The following OPTN variants were observed in gnomAD, a reference collection of about 807,000 sequenced individuals.
OPTN encodes the protein optineurin, also known as E3-14.7K-interacting protein.
A neutral mutation model predicts 70.4 loss-of-function variants in OPTN; 54 were observed. The observed-to-expected ratio is 0.77, with a 90% CI of 0.62 to 0.96. OPTN has a LOEUF of 0.96. Among genes scored for constraint, OPTN ranks in the 40% least tolerant of loss-of-function variants. The pLI is 0.00. For synonymous variants in OPTN, 256 were observed against 248.5 expected, an observed-to-expected ratio of 1.03 and a Z score of -0.28; for missense variants, 624 against 673.2, an observed-to-expected ratio of 0.93 and a Z score of 0.81.
At chr10:13,119,803 C>T (rs990055274) in intron 7 of OPTN, among the ~76,000 whole-genome samples, 15 of 152,090 alleles carry the variant, frequency 9.9e-5, no homozygotes, top group African/African-American at 1.7e-4. Flanking sequence ...CTAGTGACAG[C>T]GATGTTGAGC....
rs192497863 is a variant in OPTN at position 13,124,432 on chromosome 10, G to A, written c.998+322G>A. On this transcript the variant is annotated intron_variant, in intron 9 of 14. Transcript: ENST00000378747. ...ACTTAAGCTGATGACATTGATGTGA[G>A]TAAGCATAAAGAAAGATGAAAAGAG... Among the ~76,000 whole-genome samples the A allele has an allele frequency of 3.5e-3, 528 of 152,268 alleles. 5 individuals carry two copies. The highest frequency in any genetic ancestry group is 0.012 in the African/African-American group (516 of 41,548).
rs1378481226 is a variant in OPTN, at chr10:13,114,792, AATTATATAT to A, written c.553-1473_553-1465del. Among the ~76,000 whole-genome samples, 13 of 104,076 alleles carry A rather than the reference AATTATATAT, an allele frequency of 1.2e-4. 1 individual carries two copies. The highest frequency in any genetic ancestry group is 5.3e-4 in the East Asian group (2 of 3,808). The allele number at this position is 104,076 out of a possible 152,430, so 68.3% of individuals were successfully genotyped here. ...TAATTATATAATTATATAATTATAT[AATTATATAT>A]ACATATATATAATTATATAATTATA... On this transcript the variant is annotated intron_variant, in intron 5 of 14. Coordinates refer to ENST00000378747, the MANE Select transcript of OPTN (RefSeq NM_001008212.2).
intron 14 of OPTN, among the ~76,000 whole-genome samples, chr10:13,134,347 A>G (rs1833654874): frequency 6.6e-6 from 1 of 152,120 alleles, no homozygotes; most frequent in Non-Finnish European, 1.5e-5. Context: ...TGAACTTCCA[A>G]AGTACTTTAT....
chr10:13,126,628 G>T (rs562069514), intron 11 of OPTN, among the ~76,000 whole-genome samples: 1 of 152,114 alleles, frequency 6.6e-6, no homozygotes, highest in Non-Finnish European at 1.5e-5. Flanking sequence ...TAAGAGCATG[G>T]GCTTCTATGG....
chr10:13,125,144 T>C (rs1386806754), intron 9 of OPTN, among the ~76,000 whole-genome samples: 1 of 152,226 alleles, frequency 6.6e-6, no homozygotes, highest in Non-Finnish European at 1.5e-5. Flanking sequence ...GTTTAAATAC[T>C]AAAAATGTAT....
chr10:13,129,602 G>C (rs1377181817), intron 12 of OPTN, among the ~76,000 whole-genome samples: 1 of 152,048 alleles, frequency 6.6e-6, no homozygotes, highest in Non-Finnish European at 1.5e-5. Context: ...CTGCCCAGCT[G>C]GGATTACGGG....
At chr10:13,106,526 C>T (rs1832868530) in intron 1 of OPTN, among the ~76,000 whole-genome samples, 1 of 152,142 alleles carries the variant, frequency 6.6e-6, no homozygotes, top group Non-Finnish European at 1.5e-5. Context: ...TTGCCATCAC[C>T]CTCATTACAT....
At chr10:13,119,978 T>C (rs1169646241) in intron 7 of OPTN, among the ~76,000 whole-genome samples, 2 of 142,746 alleles carry the variant, frequency 1.4e-5, no homozygotes, top group Non-Finnish European at 3.0e-5. Flanking sequence ...AACTATTTTC[T>C]TTCTTTTTTT....
At chr10:13,119,433 A>G (rs767120431) in intron 7 of OPTN, among the ~76,000 whole-genome samples, 3 of 152,184 alleles carry the variant, frequency 2.0e-5, no homozygotes, top group Non-Finnish European at 4.4e-5. Context: ...TATATACAAC[A>G]TTTTGTTTAT....
rs750980737 is a variant in OPTN at position 13,122,488 on chromosome 10, G to T, written c.882+1G>T. 1 of 1,607,562 alleles carries T rather than the reference G, an allele frequency of 6.2e-7. No homozygotes were observed. ...TGATGAAGAGAAAGGCCCGGAGACT[G>T]TGAGTCCTAAGATTCCACGGCCACT... On this transcript the variant is annotated splice_donor_variant, in intron 8 of 14. Coordinates refer to ENST00000378747, the MANE Select transcript of OPTN (RefSeq NM_001008212.2). LOFTEE classifies it high-confidence loss of function.
intron 11 of OPTN, 104 bp from the exon 12 acceptor site, chr10:13,127,641 C>T: frequency 7.7e-7 from 1 of 1,299,326 alleles, no homozygotes; most frequent in Non-Finnish European, 1.1e-6. Flanking sequence ...GCCACCACAC[C>T]CGGCCAGAGC....
chr10:13,104,613 G>C (rs1051642000), intron 1 of OPTN: 1 of 674,944 alleles, frequency 1.5e-6, no homozygotes, highest in Non-Finnish European at 2.8e-6. Context: ...CTGTTTCCTC[G>C]TATTACCACC....
chr10:13,113,344 A>G lies in OPTN; in HGVS notation c.552+709A>G, dbSNP rs74785802. 2.0e-5 allele frequency among the ~76,000 whole-genome samples: 3 copies of G among 152,246 alleles called. No homozygotes were observed. In the East Asian group the frequency reaches 5.8e-4, roughly 29 times the overall value. On this transcript the variant is annotated intron_variant, in intron 5 of 14. Transcript: ENST00000378747. ...CCTGGCCAACAGAACCTTCTTTTCAAACAAAGTGGTATGAGGAACCCTGAT... is the reference window on the plus strand; with the variant it reads ...CCTGGCCAACAGAACCTTCTTTTCAGACAAAGTGGTATGAGGAACCCTGAT...
intron 2 of OPTN, chr10:13,108,879 C>A (rs1832927730): frequency 1.9e-6 from 1 of 516,000 alleles, no homozygotes; most frequent in Admixed American, 2.8e-5. Context: ...CATACACACA[C>A]ACGCACACAC....
In OPTN at chr10:13,119,021, C is replaced by T; in HGVS notation, c.760C>T (p.Leu254Phe). Residue 254 changes from leucine (L) to phenylalanine (F), a missense_variant, in exon 7 of 15, where the codon CTC becomes TTC. Transcript: ENST00000378747. ...NQKVERLEVA[L>F]KEAKERVSDF... Reference sequence around the variant, plus strand: ...GAAGGTGGAGAGACTTGAAGTTGCACTCAAGGAGGCCAAAGAAAGGTATGA... The same window carrying T: ...GAAGGTGGAGAGACTTGAAGTTGCATTCAAGGAGGCCAAAGAAAGGTATGA... 1 of 1,614,100 alleles carries T rather than the reference C, an allele frequency of 6.2e-7. No homozygotes were observed. Among genetic ancestry groups the T allele is most frequent in the Non-Finnish European group, 8.5e-7 (1 of 1,180,002 alleles).
Position 13,109,144 on chromosome 10 carries a change from T to A in OPTN, c.22T>A (p.Cys8Ser). 1 of 1,614,010 alleles carries A rather than the reference T, an allele frequency of 6.2e-7. No individual in the cohort carries two copies. ...TGCAATGTCCCATCAACCTCTCAGC[T>A]GCCTCACTGAAAAGGAGGACAGCCC... MSHQPLS[C>S]LTEKEDSPSE... Residue 8 changes from cysteine to serine, a missense_variant, in exon 3 of 15, where the codon TGC (cysteine) becomes AGC (serine). Transcript: ENST00000378747.
chr10:13,137,402 C>T lies in OPTN; in HGVS notation c.*536C>T, dbSNP rs1419828936. ...CGCAAAGTAGAATCCTTACCTACTA[C>T]TCTTCTGATAATAATTTTAATATTT... On this transcript the variant is annotated 3_prime_UTR_variant, in exon 15 of 15. Transcript: ENST00000378747. 1.7e-5 allele frequency: 4 copies of T among 234,612 alleles called. No individual in the cohort carries two copies. The highest frequency in any genetic ancestry group is 3.4e-5 in the Non-Finnish European group (4 of 118,326). 14.5% of individuals were successfully genotyped at this position (234,612 alleles called of 1,614,324 possible).
In OPTN at chr10:13,134,527, G is replaced by A. The variant is rs527388981; in HGVS notation, c.1612+946G>A. Among the ~76,000 whole-genome samples the A allele has an allele frequency of 5.9e-5, 9 of 152,260 alleles. No individual in the cohort carries two copies. The South Asian group carries it at 1.5e-3, about 25-fold the overall frequency. On this transcript the variant is annotated intron_variant, in intron 14 of 14. Transcript: ENST00000378747. Reference sequence around the variant, plus strand: ...GGATCACTGCAACCTCCGCCTCCCGGGTTCAAGCGATTCTCCTGGCTCAGC... The same window carrying A: ...GGATCACTGCAACCTCCGCCTCCCGAGTTCAAGCGATTCTCCTGGCTCAGC...
intron 5 of OPTN, among the ~76,000 whole-genome samples, chr10:13,114,321 T>C (rs1042493755): frequency 2.6e-5 from 4 of 152,136 alleles, no homozygotes; most frequent in Non-Finnish European, 1.5e-5. Flanking sequence ...AATTAAAATG[T>C]CAATTGAAAA....
Sources: gnomAD v4.1 joint callset for allele counts (sites outside exome capture counted in the v4.1 genomes callset) on GRCh38, gnomAD v4.1.1 for gene constraint, MANE v1.5 for transcripts, NCBI Gene and HGNC (gene_info 2026-07-23, HGNC 2026-07-21) for gene names.